PAFAH1B1: variants seen among roughly 807,000 people sequenced by gnomAD.
The protein encoded by PAFAH1B1 is platelet-activating factor acetylhydrolase IB subunit beta.
In PAFAH1B1, 2 loss-of-function variants were observed where a neutral mutation model predicts 57.5. That is an observed-to-expected ratio of 0.03 (90% CI 0.01 to 0.11). The LOEUF is 0.11. Ranked by LOEUF, PAFAH1B1 falls within the 10% of genes least tolerant of loss-of-function variation. The pLI is 1.00. For missense variants in PAFAH1B1, 257 were observed against 512.0 expected, an observed-to-expected ratio of 0.50 and a Z score of 4.81; for synonymous variants, 152 against 169.6, an observed-to-expected ratio of 0.90 and a Z score of 0.81.
Position 2,683,671 on chromosome 17 carries a change from C to G in PAFAH1B1, c.*1869C>G, listed in dbSNP as rs2069420917. The G allele has an allele frequency of 6.6e-6, 1 of 152,556 alleles. No homozygotes were observed. Among genetic ancestry groups the G allele is most frequent in the South Asian group, 2.1e-4 (1 of 4,820 alleles). 9.5% of individuals were successfully genotyped at this position (152,556 alleles called of 1,614,324 possible). A position where few individuals can be genotyped will look rare whatever the true frequency, so the allele number is the denominator to read the frequency against. ...ACAAAAATTACATCTTAAGCTAATT[C>G]CTTAAATACATACAGTAGGTGAATT... On this transcript the variant is annotated 3_prime_UTR_variant, in exon 11 of 11. Coordinates refer to ENST00000397195, the MANE Select transcript of PAFAH1B1 (RefSeq NM_000430.4).
chr17:2,595,589 T>A (rs1328957410), intron 1 of PAFAH1B1, among the ~76,000 whole-genome samples: 1 of 152,164 alleles, frequency 6.6e-6, no homozygotes, highest in African/African-American at 2.4e-5. Context: ...GCTTTTAATC[T>A]CTAATGGGTG....
chr17:2,619,702 T>G (rs2068393998), intron 1 of PAFAH1B1, among the ~76,000 whole-genome samples: 1 of 152,230 alleles, frequency 6.6e-6, no homozygotes, highest in Non-Finnish European at 1.5e-5. Flanking sequence ...TTAAGGTGAA[T>G]TTCACATTTA....
intron 2 of PAFAH1B1, among the ~76,000 whole-genome samples, chr17:2,655,183 A>ATGTGTGTGTGTGTGTGTG (rs34493806): frequency 2.8e-5 from 4 of 143,932 alleles, no homozygotes; most frequent in African/African-American, 1.0e-4. Flanking sequence ...ATATACATAT[A>ATGTGTGTGTGTGTGTGTG]TGTGTGTGTG....
intron 1 of PAFAH1B1, among the ~76,000 whole-genome samples, chr17:2,612,831 G>C (rs904847284): frequency 2.7e-5 from 4 of 150,902 alleles, no homozygotes; most frequent in Non-Finnish European, 5.9e-5. Flanking sequence ...GCTGGTCTCA[G>C]ACTCCTGGGC....
intron 1 of PAFAH1B1, among the ~76,000 whole-genome samples, chr17:2,606,265 C>G (rs944178187): frequency 6.6e-6 from 1 of 152,166 alleles, no homozygotes; most frequent in Non-Finnish European, 1.5e-5. Context: ...AGGACTTACC[C>G]TTCAGGGCTT....
At chr17:2,668,932 C>T (rs1049184347) in intron 5 of PAFAH1B1, among the ~76,000 whole-genome samples, 2 of 145,284 alleles carry the variant, frequency 1.4e-5, no homozygotes, top group Non-Finnish European at 3.0e-5. Context: ...GCCAAGATCG[C>T]GCCACTGCAC....
intron 2 of PAFAH1B1, among the ~76,000 whole-genome samples, chr17:2,656,002 C>A (rs2068931550): frequency 6.6e-6 from 1 of 152,064 alleles, no homozygotes; most frequent in Non-Finnish European, 1.5e-5. Context: ...CGGCTCACTG[C>A]AACCTCCGCC....
intron 1 of PAFAH1B1, among the ~76,000 whole-genome samples, chr17:2,612,681 TTC>T (rs35852637): frequency 6.6e-6 from 1 of 152,048 alleles, no homozygotes; most frequent in Non-Finnish European, 1.5e-5. Flanking sequence ...TGAACACGGC[TTC>T]TCTGTAGCCT....
At chr17:2,608,803 C>T (rs1322476040) in intron 1 of PAFAH1B1, among the ~76,000 whole-genome samples, 1 of 152,172 alleles carries the variant, frequency 6.6e-6, no homozygotes, top group Non-Finnish European at 1.5e-5. Context: ...GCAGAATTCA[C>T]CCTTAGGTTA....
intron 1 of PAFAH1B1, among the ~76,000 whole-genome samples, chr17:2,633,146 A>G (rs1597537084): frequency 7.0e-6 from 1 of 142,274 alleles, no homozygotes; most frequent in Non-Finnish European, 1.6e-5. Flanking sequence ...ATCAAGATTT[A>G]TTTTTTTCTT....
intron 1 of PAFAH1B1, among the ~76,000 whole-genome samples, chr17:2,624,460 TC>T (rs1321884051): frequency 2.0e-4 from 31 of 152,174 alleles, no homozygotes; most frequent in Admixed American, 2.0e-3. Context: ...GACTTGTAGT[TC>T]CACATGGCTG....
intron 1 of PAFAH1B1, among the ~76,000 whole-genome samples, chr17:2,598,171 C>T (rs1457047157): frequency 3.3e-5 from 5 of 152,066 alleles, no homozygotes; most frequent in Non-Finnish European, 7.4e-5. Flanking sequence ...ATTGCTTGAA[C>T]CCGGGAGGTG....
intron 1 of PAFAH1B1, among the ~76,000 whole-genome samples, chr17:2,595,540 T>G (rs1030808955): frequency 1.3e-5 from 2 of 151,922 alleles, no homozygotes; most frequent in Non-Finnish European, 2.9e-5. Context: ...TAAAAGCTTT[T>G]ACTTAAAAAA....
chr17:2,675,357 A>C (rs1366925489), intron 8 of PAFAH1B1, among the ~76,000 whole-genome samples: 1 of 152,158 alleles, frequency 6.6e-6, no homozygotes, highest in Non-Finnish European at 1.5e-5. Flanking sequence ...ACTACATGTC[A>C]ATAAACAAAG....
At chr17:2,623,620 C>T (rs1448252295) in intron 1 of PAFAH1B1, among the ~76,000 whole-genome samples, 1 of 148,478 alleles carries the variant, frequency 6.7e-6, no homozygotes, top group Non-Finnish European at 1.5e-5. Context: ...CTTTCATGCT[C>T]TACTTCCCCG....
At chr17:2,631,242 C>CA (rs1014173998) in intron 1 of PAFAH1B1, among the ~76,000 whole-genome samples, 699 of 130,366 alleles carry the variant, frequency 5.4e-3, no homozygotes, top group Non-Finnish European at 6.2e-3. Context: ...TGCTCTGTCT[C>CA]AAAAAAAAAA....
intron 1 of PAFAH1B1, among the ~76,000 whole-genome samples, chr17:2,604,751 T>G (rs1303733034): frequency 1.3e-5 from 2 of 151,662 alleles, no homozygotes; most frequent in African/African-American, 2.4e-5. Context: ...AGTATTGGAG[T>G]GAGCCGAGAT....
chr17:2,624,724 C>T (rs1418135521), intron 1 of PAFAH1B1, among the ~76,000 whole-genome samples: 1 of 152,120 alleles, frequency 6.6e-6, no homozygotes, highest in African/African-American at 2.4e-5. Flanking sequence ...GCAGCCAAAC[C>T]ATATCACCTG....
intron 2 of PAFAH1B1, among the ~76,000 whole-genome samples, chr17:2,652,265 A>AT (rs749404803): frequency 6.6e-6 from 1 of 151,786 alleles, no homozygotes; most frequent in African/African-American, 2.4e-5. Flanking sequence ...AAAAAAAAAA[A>AT]TTGGCCGGGC....
Sources: allele counts gnomAD v4.1 joint callset (sites outside exome capture counted in the v4.1 genomes callset), GRCh38; gene constraint gnomAD v4.1.1; transcripts MANE v1.5; gene names NCBI Gene and HGNC (gene_info 2026-07-23, HGNC 2026-07-21).